The following AP1B1 variants were observed in gnomAD, a reference collection of about 807,000 sequenced individuals.
AP1B1 encodes AP-1 complex subunit beta-1.
A neutral mutation model predicts 104.3 loss-of-function variants in AP1B1; 36 were observed. The observed-to-expected ratio is 0.35, with a 90% CI of 0.26 to 0.46. The LOEUF (loss-of-function observed/expected upper bound fraction) is 0.46, where lower values mean the gene tolerates loss of function less well. AP1B1 is among the 20% of genes least tolerant of loss of function. The pLI is 1.00. For missense variants in AP1B1, 901 were observed against 1,247.9 expected (o/e 0.72, Z 4.19); for synonymous variants, 504 against 517.5 (o/e 0.97, Z 0.35).
intron 1 of AP1B1, among the ~76,000 whole-genome samples, chr22:29,384,321 TG>T (rs775768216): frequency 2.6e-5 from 4 of 152,196 alleles, no homozygotes; most frequent in Non-Finnish European, 4.4e-5. Context: ...GATGGCTGTC[TG>T]GTGGTACCAA....
intron 1 of AP1B1, among the ~76,000 whole-genome samples, chr22:29,377,195 CAAAAAAAAAA>C (rs34466410): frequency 3.1e-5 from 2 of 64,678 alleles, no homozygotes; most frequent in Non-Finnish European, 5.3e-5. Flanking sequence ...GACCCTGTCT[CAAAAAAAAAA>C]AAAAAAAAAA....
rs1480781260 is a variant in AP1B1, at chr22:29,341,634, T to A, written c.1663A>T (p.Ile555Phe). The A allele has an allele frequency of 1.9e-6, 3 of 1,614,200 alleles. No homozygotes were observed. The highest frequency in any genetic ancestry group is 3.3e-5 in the Admixed American group (2 of 60,032). Residue 555 changes from isoleucine to phenylalanine, a missense_variant, in exon 13 of 23, where the codon ATC becomes TTC. Physicochemically the swap from Ile to Phe is conservative, Grantham distance 21. Around this residue, in one of 3 missense-constraint regions of AP1B1, gnomAD observed 471 missense variants for 696.7 expected, o/e 0.68. Transcript: ENST00000357586. ...AGCTCGTCTAACAGTGTGGGCTCGATGAGGTCCGTCTCTTCAGAGATGAGT... is the reference window on the plus strand; with the variant it reads ...AGCTCGTCTAACAGTGTGGGCTCGAAGAGGTCCGTCTCTTCAGAGATGAGT... Reference protein sequence around the residue: ...KPLISEETDLIEPTLLDELIC... With the variant: ...KPLISEETDLFEPTLLDELIC...
intron 1 of AP1B1, among the ~76,000 whole-genome samples, 160 bp from the exon 2 acceptor site, chr22:29,367,430 T>C (rs1042155852): frequency 2.0e-5 from 3 of 148,822 alleles, no homozygotes; most frequent in African/African-American, 7.6e-5. Context: ...GCAGATTAGA[T>C]TTTGAAAAGT....
chr22:29,343,262 C>T lies in AP1B1; in HGVS notation c.1438-879G>A, dbSNP rs547581814. Among the ~76,000 whole-genome samples, 8 of 152,342 alleles carry T rather than the reference C, an allele frequency of 5.3e-5. No homozygotes were observed. The South Asian group carries it at 6.2e-4, about 12-fold the overall frequency. On this transcript the variant is annotated intron_variant, in intron 11 of 22. Coordinates refer to ENST00000357586, the MANE Select transcript of AP1B1 (RefSeq NM_001127.4). ...CTCCCGGAGTCAGGGGCAGTGGGAG[C>T]CCATAGGCTGTGCCAGGGACAGGTC...
At chr22:29,385,047 T>C (rs981053476) in intron 1 of AP1B1, among the ~76,000 whole-genome samples, 1 of 151,768 alleles carries the variant, frequency 6.6e-6, no homozygotes, top group African/African-American at 2.4e-5. Flanking sequence ...CAGGAAATGG[T>C]GTTCAGGCAG....
At chr22:29,329,436 G>T (rs1259406452) in intron 22 of AP1B1, 1 of 1,357,432 alleles carries the variant, frequency 7.4e-7, no homozygotes, top group South Asian at 1.8e-5. Context: ...TAAAGCACTG[G>T]TTCTGCAGGG....
rs201692943 is a variant in AP1B1 at position 29,338,952 on chromosome 22, C to G, written c.2163+38G>C. 963 of 1,612,588 alleles carry G rather than the reference C, an allele frequency of 6.0e-4. 4 individuals carry two copies. The Middle Eastern group carries it at 0.016, about 26-fold the overall frequency. On this transcript the variant is annotated intron_variant, in intron 16 of 22. Transcript: ENST00000357586. The stretch of plus-strand genomic sequence containing the variant: ...GCCCACATGCCAGTCTCCATAACTT[C>G]TCTCTGCTCCCGCCAAGACAGAAGA...
intron 9 of AP1B1, among the ~76,000 whole-genome samples, 157 bp downstream of exon 9, chr22:29,351,014 C>T (rs1421753376): frequency 1.3e-5 from 2 of 152,230 alleles, no homozygotes; most frequent in Non-Finnish European, 2.9e-5. Context: ...AGGAACCCCA[C>T]CAGATCTGCA....
chr22:29,354,835 G>A lies in AP1B1; in HGVS notation c.753C>T (p.Ala251=). 6.2e-7 allele frequency: 1 copy of A among 1,614,108 alleles called. No individual in the cohort carries two copies. The highest frequency in any genetic ancestry group is 8.5e-7 in the Non-Finnish European group (1 of 1,180,038). The change falls in exon 7 of 23, where the codon GCC becomes GCT. Residue 251 remains alanine, a synonymous_variant. Transcript: ENST00000357586. The part of the protein sequence containing the change: ...CERVTPRLSH[A]NSAVVLSAVK... ...CAGCAGAGAGCACCACAGCGGAGTT[G>A]GCATGGGAGAGCCTGGGGGTGACCC...
rs1033821141 is a variant in AP1B1 at position 29,343,573 on chromosome 22, G to T, written c.1438-1190C>A. ...CTGCCTGGGCAGCCAATGGGAAGCC[G>T]TTTACCCCCATCTGTAAAGGAGAGG... On this transcript the variant is annotated intron_variant, in intron 11 of 22. Coordinates refer to ENST00000357586, the MANE Select transcript of AP1B1 (RefSeq NM_001127.4). Among the ~76,000 whole-genome samples the T allele has an allele frequency of 7.2e-5, 11 of 152,336 alleles. No individual in the cohort carries two copies. The East Asian group carries it at 1.7e-3, about 24-fold the overall frequency.
chr22:29,340,630 T>G (rs1049477124), intron 14 of AP1B1, 26 bp downstream of exon 14: 2 of 1,508,790 alleles, frequency 1.3e-6, no homozygotes, highest in African/African-American at 2.8e-5. Context: ...ATTATCAACA[T>G]CATCCAGAGG....
chr22:29,349,104 G>C (rs2061834474), intron 11 of AP1B1, 114 bp downstream of exon 11: 17 of 1,266,290 alleles, frequency 1.3e-5, no homozygotes, highest in Non-Finnish European at 1.9e-5. Flanking sequence ...TCACTCATCT[G>C]TCTGTCAGGG....
intron 11 of AP1B1, among the ~76,000 whole-genome samples, chr22:29,346,509 A>G (rs1016412010): frequency 6.6e-6 from 1 of 152,182 alleles, no homozygotes; most frequent in African/African-American, 2.4e-5. Flanking sequence ...TTCATAATAG[A>G]GTTTGCGCTC....
At chr22:29,350,220 G>T in intron 9 of AP1B1, 70 bp from the exon 10 acceptor site, 1 of 1,253,420 alleles carries the variant, frequency 8.0e-7, no homozygotes. Context: ...TGATGTCCAC[G>T]CCTCGGCCAA....
chr22:29,363,941 C>T (rs2062092529), intron 2 of AP1B1, among the ~76,000 whole-genome samples: 1 of 151,888 alleles, frequency 6.6e-6, no homozygotes, highest in South Asian at 2.1e-4. Flanking sequence ...GCAACAGGAA[C>T]CATGGAAGCT....
intron 19 of AP1B1, among the ~76,000 whole-genome samples, 176 bp from the exon 20 acceptor site, chr22:29,330,885 G>C (rs1225665451): frequency 2.0e-5 from 3 of 152,164 alleles, no homozygotes; most frequent in East Asian, 3.8e-4. Context: ...CTGTGAGGGA[G>C]GCCCCAGTGC....
intron 15 of AP1B1, 78 bp from the exon 16 acceptor site, chr22:29,339,211 T>C (rs561310740): frequency 6.4e-7 from 1 of 1,563,962 alleles, no homozygotes; most frequent in Admixed American, 1.7e-5. Context: ...TAGAGCCACC[T>C]GGCTCTTTAG....
rs570135588 is a variant in AP1B1 at position 29,376,984 on chromosome 22, T to C, written c.-27-9714A>G. On this transcript the variant is annotated intron_variant, in intron 1 of 22. Coordinates refer to ENST00000357586, the MANE Select transcript of AP1B1 (RefSeq NM_001127.4). ...GCCGAGGTGGGAGGATCACTTGAGG[T>C]CAGGAGATTGGGACCAGCCTGGCCA... Among the ~76,000 whole-genome samples the C allele has an allele frequency of 4.0e-5, 6 of 151,786 alleles. No homozygotes were observed. The South Asian group carries it at 1.2e-3, about 32-fold the overall frequency.
intron 16 of AP1B1, among the ~76,000 whole-genome samples, chr22:29,337,177 G>A (rs980557878): frequency 6.6e-6 from 1 of 152,196 alleles, no homozygotes; most frequent in African/African-American, 2.4e-5. Context: ...GTCTGGAGCA[G>A]AGGCTTTAGT....
Sources: gnomAD v4.1 joint callset for allele counts (sites outside exome capture counted in the v4.1 genomes callset) on GRCh38, gnomAD v4.1.1 for gene constraint, gnomAD v4.1.1 regional missense constraint, MANE v1.5 for transcripts, NCBI Gene and HGNC (gene_info 2026-07-23, HGNC 2026-07-21) for gene names.